CSMD1: variants seen among roughly 807,000 people sequenced by gnomAD.
The protein encoded by CSMD1 is CUB and Sushi multiple domains 1, also known as CUB and sushi domain-containing protein 1.
Under a neutral mutation model 417.5 loss-of-function variants are expected in CSMD1, and 213 were observed. The observed-to-expected ratio is 0.51, with a 90% CI of 0.46 to 0.57. The LOEUF is 0.57. CSMD1 is among the 20% of genes least tolerant of loss of function. CSMD1 has a pLI of 0.00. For synonymous variants in CSMD1, 2,862 were observed against 1,736.8 expected, an observed-to-expected ratio of 1.65 and a Z score of -16.11; for missense variants, 6,923 against 4,529.7, an observed-to-expected ratio of 1.53 and a Z score of -15.17.
chr8:4,123,585 C>G (rs1986888), intron 3 of CSMD1, among the ~76,000 whole-genome samples: 1 of 151,954 alleles, frequency 6.6e-6, no homozygotes, highest in Non-Finnish European at 1.5e-5. Flanking sequence ...ACGTTAATTT[C>G]TATGGTTTTT....
At chr8:3,683,592 A>G (rs368119107) in intron 7 of CSMD1, among the ~76,000 whole-genome samples, 2 of 152,164 alleles carry the variant, frequency 1.3e-5, no homozygotes, top group Admixed American at 6.5e-5. Flanking sequence ...CACTTTTTTG[A>G]ATATCATTCT....
At chr8:4,157,688 A>G (rs140004463) in intron 3 of CSMD1, among the ~76,000 whole-genome samples, 21 of 152,314 alleles carry the variant, frequency 1.4e-4, no homozygotes, top group African/African-American at 3.8e-4. Context: ...CTCACGCCCA[A>G]CCGGCCTTGG....
At chr8:3,341,499 T>A (rs576115831) in intron 23 of CSMD1, among the ~76,000 whole-genome samples, 1 of 152,126 alleles carries the variant, frequency 6.6e-6, no homozygotes, top group African/African-American at 2.4e-5. Flanking sequence ...GGAAACGTAA[T>A]GAGAAATAAC....
At chr8:4,650,948 C>T (rs970940651) in intron 1 of CSMD1, among the ~76,000 whole-genome samples, 2 of 152,106 alleles carry the variant, frequency 1.3e-5, no homozygotes, top group Non-Finnish European at 2.9e-5. Flanking sequence ...TACAAATGAA[C>T]CAGAAACTTG....
intron 1 of CSMD1, among the ~76,000 whole-genome samples, chr8:4,815,412 G>C (rs969652202): frequency 6.6e-5 from 10 of 152,154 alleles, no homozygotes; most frequent in East Asian, 5.8e-4. Context: ...TATTAAGAAA[G>C]GAACCGGGCT....
intron 26 of CSMD1, 103 bp downstream of exon 26, chr8:3,284,041 G>C (rs1408498159): frequency 2.1e-6 from 2 of 942,914 alleles, no homozygotes; most frequent in African/African-American, 1.6e-5. Flanking sequence ...TCAATAAATT[G>C]CATCTGTGTA....
chr8:4,811,021 C>T (rs1206009226), intron 1 of CSMD1, among the ~76,000 whole-genome samples: 1 of 152,114 alleles, frequency 6.6e-6, no homozygotes, highest in African/African-American at 2.4e-5. Context: ...ACTATTCCAC[C>T]CAGTGAAATG....
intron 3 of CSMD1, among the ~76,000 whole-genome samples, chr8:4,339,056 A>G (rs573872879): frequency 1.3e-5 from 2 of 152,214 alleles, no homozygotes; most frequent in East Asian, 3.9e-4. Flanking sequence ...TCTACCGGGA[A>G]CTATTGCTTG....
intron 26 of CSMD1, chr8:3,278,467 T>C (rs1236903744): frequency 6.6e-6 from 1 of 152,174 alleles, no homozygotes; most frequent in Non-Finnish European, 1.5e-5. Flanking sequence ...TTTAATACAA[T>C]TGAATAAATG....
intron 50 of CSMD1, among the ~76,000 whole-genome samples, chr8:3,035,596 T>C (rs532523847): frequency 3.3e-5 from 5 of 152,314 alleles, no homozygotes; most frequent in African/African-American, 9.6e-5. Flanking sequence ...CCAAACATAC[T>C]AGCATACAGA....
chr8:4,015,675 A>AC (rs1027320782), intron 4 of CSMD1, among the ~76,000 whole-genome samples: 1 of 151,232 alleles, frequency 6.6e-6, no homozygotes, highest in African/African-American at 2.4e-5. Flanking sequence ...AAAAAAAAAA[A>AC]AAAAAAAACT....
intron 52 of CSMD1, among the ~76,000 whole-genome samples, chr8:3,000,647 T>C (rs1236444514): frequency 2.0e-5 from 3 of 152,180 alleles, no homozygotes; most frequent in Non-Finnish European, 2.9e-5. Flanking sequence ...ATCTGAGTTA[T>C]GGGTGAGCTG....
chr8:3,113,703 A>G (rs956972767), intron 42 of CSMD1, among the ~76,000 whole-genome samples: 3 of 152,160 alleles, frequency 2.0e-5, no homozygotes, highest in Admixed American at 6.5e-5. Flanking sequence ...GGTGATTCAC[A>G]CACACAAAAG....
At chr8:4,658,289 C>T (rs535828702) in intron 1 of CSMD1, among the ~76,000 whole-genome samples, 2 of 152,014 alleles carry the variant, frequency 1.3e-5, no homozygotes, top group Admixed American at 6.6e-5. Context: ...GAGATCCATA[C>T]TGGGACATAT....
chr8:4,509,641 G>C (rs946454899), intron 2 of CSMD1, among the ~76,000 whole-genome samples: 2 of 152,142 alleles, frequency 1.3e-5, no homozygotes, highest in African/African-American at 4.8e-5. Flanking sequence ...CAAGTTCTTT[G>C]TGAGGAGGAA....
At chr8:4,375,074 T>G (rs1469518234) in intron 3 of CSMD1, among the ~76,000 whole-genome samples, 4 of 151,174 alleles carry the variant, frequency 2.6e-5, no homozygotes, top group African/African-American at 7.3e-5. Flanking sequence ...AAAGGAGTGA[T>G]GAATATTTCC....
intron 26 of CSMD1, among the ~76,000 whole-genome samples, chr8:3,266,230 C>T (rs113996629): frequency 5.8e-4 from 87 of 150,680 alleles, no homozygotes; most frequent in Middle Eastern, 3.4e-3. Context: ...AGGGGGCTCC[C>T]GGGATGATCA....
At chr8:3,965,742 C>G (rs941721040) in intron 5 of CSMD1, among the ~76,000 whole-genome samples, 1 of 152,058 alleles carries the variant, frequency 6.6e-6, no homozygotes, top group Non-Finnish European at 1.5e-5. Flanking sequence ...CTCAGCCTCC[C>G]GAGTAGCTGG....
chr8:4,931,951 A>G (rs1585354285), intron 1 of CSMD1, among the ~76,000 whole-genome samples: 1 of 152,074 alleles, frequency 6.6e-6, no homozygotes, highest in African/African-American at 2.4e-5. Flanking sequence ...TTCTTGTGTA[A>G]CATGTATTAG....
Sources: allele counts gnomAD v4.1 joint callset (sites outside exome capture counted in the v4.1 genomes callset), GRCh38; gene constraint gnomAD v4.1.1; transcripts MANE v1.5; gene names NCBI Gene and HGNC (gene_info 2026-07-23, HGNC 2026-07-21).